The following ANKRD55 variants were observed in gnomAD, a reference collection of about 807,000 sequenced individuals.
ANKRD55 encodes ankyrin repeat domain 55.
Under a neutral mutation model 60.6 loss-of-function variants are expected in ANKRD55, and 41 were observed. The observed-to-expected ratio is 0.68, with a 90% CI of 0.53 to 0.88. The LOEUF is 0.88. Among genes scored for constraint, ANKRD55 ranks in the 40% least tolerant of loss-of-function variants. The pLI is 0.00. For missense variants in ANKRD55, 732 were observed against 767.6 expected, an observed-to-expected ratio of 0.95 and a Z score of 0.55; for synonymous variants, 264 against 290.3, an observed-to-expected ratio of 0.91 and a Z score of 0.92.
At chr5:56,107,481 A>C (rs1756518560) in intron 10 of ANKRD55, among the ~76,000 whole-genome samples, 1 of 152,180 alleles carries the variant, frequency 6.6e-6, no homozygotes, top group Non-Finnish European at 1.5e-5. Flanking sequence ...TGGGTGGCAC[A>C]TGTGTCAGAA....
chr5:56,193,699 C>A, intron 2 of ANKRD55: 1 of 199,762 alleles, frequency 5.0e-6, no homozygotes, highest in East Asian at 1.2e-4. Context: ...AGGACTTCTG[C>A]ATTTCTGACA....
chr5:56,188,360 C>A (rs1054602243), intron 2 of ANKRD55, among the ~76,000 whole-genome samples: 2 of 134,240 alleles, frequency 1.5e-5, no homozygotes, highest in East Asian at 2.6e-4. Context: ...CCCGCCACCC[C>A]CCTACAACCA....
chr5:56,178,091 C>A (rs938231739), intron 3 of ANKRD55, among the ~76,000 whole-genome samples: 5 of 152,174 alleles, frequency 3.3e-5, no homozygotes, highest in Non-Finnish European at 7.3e-5. Context: ...TCCTGCTCAT[C>A]ACTGAATCCT....
intron 8 of ANKRD55, among the ~76,000 whole-genome samples, chr5:56,121,543 T>G (rs1757061123): frequency 2.0e-5 from 3 of 152,110 alleles, no homozygotes; most frequent in Admixed American, 2.0e-4. Context: ...CAGCTAATTT[T>G]TGTATTTTTA....
chr5:56,226,258 C>T (rs1235174365), intron 2 of ANKRD55, among the ~76,000 whole-genome samples: 1 of 152,132 alleles, frequency 6.6e-6, no homozygotes, highest in Non-Finnish European at 1.5e-5. Context: ...TTAAATGGTG[C>T]TGGGAAAACT....
rs750556710 is a variant in ANKRD55 at position 56,111,560 on chromosome 5, C to T, written c.1188G>A (p.Gln396=). 5 of 1,611,874 alleles carry T rather than the reference C, an allele frequency of 3.1e-6. No individual in the cohort carries two copies. The highest frequency in any genetic ancestry group is 4.2e-6 in the Non-Finnish European group (5 of 1,179,292). ...DSIVGTNCQE[Q]PGDQVAMVEF... The stretch of plus-strand genomic sequence containing the variant: ...CAACCATAGCCACCTGATCACCAGG[C>T]TGTTCTTGGCAGTTGGTACCCACGA... Residue 396 remains glutamine (Q), a synonymous_variant, in exon 10 of 12, where the codon CAG becomes CAA. Coordinates refer to ENST00000341048, the MANE Select transcript of ANKRD55 (RefSeq NM_024669.3).
intron 2 of ANKRD55, among the ~76,000 whole-genome samples, chr5:56,213,963 T>A (rs159565): frequency 6.6e-6 from 1 of 152,100 alleles, no homozygotes; most frequent in Non-Finnish European, 1.5e-5. Flanking sequence ...TTTGATGGAC[T>A]CATCCACATG....
Position 56,176,288 on chromosome 5 carries a change from A to G in ANKRD55, c.182-6T>C. ...ATGCATCAAGGGCGTGCATCCTGGA[A>G]TGAGACATTTCAACAGCCTTTAAAC... is the stretch of plus-strand genomic sequence containing the variant. On this transcript the variant is annotated splice_region_variant and splice_polypyrimidine_tract_variant and intron_variant, in intron 3 of 11. Coordinates refer to ENST00000341048, the MANE Select transcript of ANKRD55 (RefSeq NM_024669.3). 6.2e-7 allele frequency: 1 copy of G among 1,614,192 alleles called. No homozygotes were observed. The highest frequency in any genetic ancestry group is 2.2e-5 in the East Asian group (1 of 44,894).
At chr5:56,141,483 T>C (rs1207745859) in intron 7 of ANKRD55, among the ~76,000 whole-genome samples, 1 of 152,050 alleles carries the variant, frequency 6.6e-6, no homozygotes, top group Non-Finnish European at 1.5e-5. Flanking sequence ...TGGACGTGAG[T>C]ATTGTTTAAA....
In ANKRD55 at chr5:56,166,131, T is replaced by TTTC. The variant is rs1253023540; in HGVS notation, c.422+4560_422+4562dup. ...CTTTCTTTCTTTCTTTCTTTCTTTCTTTCTTTCTTTCTTTCTTTCTTTCTT... is the reference window on the plus strand; with the variant it reads ...CTTTCTTTCTTTCTTTCTTTCTTTCTTTCTTCTTTCTTTCTTTCTTTCTTTCTT... On this transcript the variant is annotated intron_variant, in intron 5 of 11. Transcript: ENST00000341048. 3.1e-4 allele frequency among the ~76,000 whole-genome samples: 31 copies of TTTC among 100,066 alleles called. 2 individuals carry two copies. The highest frequency in any genetic ancestry group is 1.4e-3 in the African/African-American group (27 of 19,290). The allele number at this position is 100,066 out of a possible 152,430, so 65.6% of individuals were successfully genotyped here.
chr5:56,173,574 C>CTATATATATA (rs1273889433), intron 4 of ANKRD55, among the ~76,000 whole-genome samples: 1 of 98,316 alleles, frequency 1.0e-5, no homozygotes, highest in African/African-American at 4.6e-5. Flanking sequence ...CTCTCTCTCT[C>CTATATATATA]TCTCTCTCTA....
chr5:56,164,502 G>A (rs1007216345), intron 5 of ANKRD55, among the ~76,000 whole-genome samples: 29 of 152,190 alleles, frequency 1.9e-4, no homozygotes, highest in African/African-American at 7.0e-4. Flanking sequence ...ATGAAAAGAG[G>A]CAGAGTGGCT....
chr5:56,207,694 C>T (rs990321552), intron 2 of ANKRD55, among the ~76,000 whole-genome samples: 1 of 152,148 alleles, frequency 6.6e-6, no homozygotes, highest in Non-Finnish European at 1.5e-5. Context: ...ATAAAATGTG[C>T]TACACTAGTG....
intron 2 of ANKRD55, among the ~76,000 whole-genome samples, chr5:56,204,968 T>C (rs933052947): frequency 1.3e-5 from 2 of 152,252 alleles, no homozygotes. Context: ...TTGTTTAGTC[T>C]GGAGCAGAGC....
chr5:56,105,923 C>G (rs1285002325), intron 10 of ANKRD55, among the ~76,000 whole-genome samples: 1 of 152,172 alleles, frequency 6.6e-6, no homozygotes, highest in Non-Finnish European at 1.5e-5. Flanking sequence ...ACCAGGCTAG[C>G]AGACAATACC....
At chr5:56,190,397 C>T (rs1197134186) in intron 2 of ANKRD55, among the ~76,000 whole-genome samples, 2 of 152,104 alleles carry the variant, frequency 1.3e-5, no homozygotes, top group Non-Finnish European at 2.9e-5. Context: ...GAAATCATTG[C>T]CAAATCCAGT....
chr5:56,166,130 C>CTT (rs1167430899), intron 5 of ANKRD55, among the ~76,000 whole-genome samples: 1 of 98,124 alleles, frequency 1.0e-5, no homozygotes, highest in Non-Finnish European at 1.9e-5. Context: ...TTCTTTCTTT[C>CTT]TTTCTTTCTT....
At position 56,143,850 on chromosome 5, in the gene ANKRD55, G is replaced by A; in HGVS notation, c.563C>T (p.Pro188Leu). 1 of 1,614,144 alleles carries A rather than the reference G, an allele frequency of 6.2e-7. No individual in the cohort carries two copies. The highest frequency in any genetic ancestry group is 2.2e-5 in the East Asian group (1 of 44,882). Residue 188 changes from proline (P) to leucine (L), a missense_variant, in exon 7 of 12, where the codon CCC becomes CTC. By Grantham distance (98) the Pro-to-Leu change is moderately conservative. This residue lies in a region of ANKRD55 where 597 missense variants were observed against 607.5 expected (regional missense o/e 0.98). Transcript: ENST00000341048. Reference sequence around the variant, plus strand: ...TTTAAAGTCTTTATCCACAAGGGTGGGGTCTGCCCCCTTCTTCAGCAGCAT... The same window carrying A: ...TTTAAAGTCTTTATCCACAAGGGTGAGGTCTGCCCCCTTCTTCAGCAGCAT... ...TQMLLKKGAD[P>L]TLVDKDFKTA...
At chr5:56,173,580 C>A (rs199966826) in intron 4 of ANKRD55, among the ~76,000 whole-genome samples, 20,774 of 56,464 alleles carry the variant, frequency 0.37, 3,331 homozygotes, top group Non-Finnish European at 0.4. Context: ...CTCTCTCTCT[C>A]TCTATATATA....
Sources: gnomAD v4.1 joint callset for allele counts (sites outside exome capture counted in the v4.1 genomes callset) on GRCh38, gnomAD v4.1.1 for gene constraint, gnomAD v4.1.1 regional missense constraint, MANE v1.5 for transcripts, NCBI Gene and HGNC (gene_info 2026-07-23, HGNC 2026-07-21) for gene names.